Variants in PCDHA8 observed in about 807,000 individuals in gnomAD.
The protein encoded by PCDHA8 is protocadherin alpha 8.
In PCDHA8, 53 loss-of-function variants were observed where a neutral mutation model predicts 61.8. The observed-to-expected ratio is 0.86, with a 90% CI of 0.69 to 1.08. The LOEUF is 1.08. Among genes scored for constraint, PCDHA8 ranks in the 50% least tolerant of loss-of-function variants. The pLI, the probability that PCDHA8 is intolerant of heterozygous loss-of-function variation, is 0.00. For synonymous variants in PCDHA8, 618 were observed against 556.6 expected, an observed-to-expected ratio of 1.11 and a Z score of -1.55; for missense variants, 1,293 against 1,245.0, an observed-to-expected ratio of 1.04 and a Z score of -0.58.
intron 3 of PCDHA8, among the ~76,000 whole-genome samples, chr5:140,996,819 C>T (rs1446677147): frequency 6.6e-6 from 1 of 152,142 alleles, no homozygotes; most frequent in East Asian, 1.9e-4. Context: ...CAAAAGTAAC[C>T]ACTACCAATA....
intron 1 of PCDHA8, among the ~76,000 whole-genome samples, chr5:140,845,801 G>C (rs1219755602): frequency 1.3e-5 from 2 of 149,630 alleles, no homozygotes; most frequent in African/African-American, 4.9e-5. Flanking sequence ...TCTGGCAAGT[G>C]ATAGGTACAT....
chr5:140,962,339 G>A (rs1454430913), intron 1 of PCDHA8, among the ~76,000 whole-genome samples: 1 of 152,152 alleles, frequency 6.6e-6, no homozygotes, highest in Non-Finnish European at 1.5e-5. Flanking sequence ...TGATAAAGAA[G>A]TAAAACTCCC....
At chr5:140,877,947 G>A (rs1266600808) in intron 1 of PCDHA8, 2 of 1,351,230 alleles carry the variant, frequency 1.5e-6, no homozygotes, top group African/African-American at 1.5e-5. Context: ...TTAAACTATC[G>A]AATGTCTCAT....
At chr5:140,876,328 C>A in intron 1 of PCDHA8, 1 of 1,613,940 alleles carries the variant, frequency 6.2e-7, no homozygotes, top group Non-Finnish European at 8.5e-7. Flanking sequence ...AATGATTTTG[C>A]CAGTGAGTGA....
At chr5:140,965,496 ATT>A (rs71766133) in intron 1 of PCDHA8, among the ~76,000 whole-genome samples, 87 of 146,352 alleles carry the variant, frequency 5.9e-4, no homozygotes, top group Middle Eastern at 3.6e-3. Context: ...ATGACAGCAG[ATT>A]TTTTTTTTTT....
At chr5:140,963,303 G>A (rs2153735006) in intron 1 of PCDHA8, among the ~76,000 whole-genome samples, 1 of 152,286 alleles carries the variant, frequency 6.6e-6, no homozygotes, top group South Asian at 2.1e-4. Flanking sequence ...GAGAAAATAA[G>A]AAGCTGTTTG....
At chr5:140,881,321 T>C (rs1396829121) in intron 1 of PCDHA8, 1 of 983,920 alleles carries the variant, frequency 1.0e-6, no homozygotes, top group Non-Finnish European at 1.2e-6. Context: ...TTAAATTCTA[T>C]TTAACCAGGA....
chr5:140,940,841 C>T (rs246072), intron 1 of PCDHA8, among the ~76,000 whole-genome samples: 86,358 of 151,986 alleles, frequency 0.57, 25,200 homozygotes, highest in African/African-American at 0.71. Context: ...CCTTTCTTCA[C>T]GATAGATTTT....
intron 1 of PCDHA8, chr5:140,861,392 G>A (rs2046897620): frequency 2.2e-6 from 1 of 451,822 alleles, no homozygotes; most frequent in Non-Finnish European, 4.5e-6. Context: ...ACCTGGGTCT[G>A]GAGCTTGTGG....
intron 1 of PCDHA8, among the ~76,000 whole-genome samples, chr5:140,973,878 A>T (rs1440672302): frequency 6.6e-6 from 1 of 152,214 alleles, no homozygotes; most frequent in African/African-American, 2.4e-5. Context: ...GGTCAGAATA[A>T]TGTCAATTTG....
intron 1 of PCDHA8, among the ~76,000 whole-genome samples, chr5:140,893,497 G>GA (rs1157700367): frequency 4.1e-4 from 62 of 150,170 alleles, no homozygotes; most frequent in African/African-American, 1.2e-3. Context: ...TCACAAAAAA[G>GA]AAAAAAAAAG....
chr5:140,988,495 G>GT (rs2097300130), intron 3 of PCDHA8, among the ~76,000 whole-genome samples: 1 of 152,158 alleles, frequency 6.6e-6, no homozygotes, highest in Non-Finnish European at 1.5e-5. Context: ...CTACCTAGGA[G>GT]AAGCCATGAA....
rs375705333 is a variant in PCDHA8 at position 140,927,955 on chromosome 5, C to T, written c.2395-50994C>T. On this transcript the variant is annotated intron_variant, in intron 1 of 3. Coordinates refer to ENST00000531613, the MANE Select transcript of PCDHA8 (RefSeq NM_018911.3). ...GAACCCAGTACCTGAGGACGCTGCC[C>T]CTGGCACAGTGATTGCTCTCTTTAG... 34 of 1,614,198 alleles carry T rather than the reference C, an allele frequency of 2.1e-5. 1 individual carries two copies. In the Middle Eastern group the frequency reaches 9.9e-4, roughly 47 times the overall value.
rs2150368391 is a variant in PCDHA8 at position 140,844,038 on chromosome 5, G to A, written c.2394+323G>A. On this transcript the variant is annotated intron_variant, in intron 1 of 3. Transcript: ENST00000531613. ...CGTTCAGGGCATTTTGATCTTTGGT[G>A]AAAGTATTCCCCCAAAGCGTTTATT... 1.1e-4 allele frequency among the ~76,000 whole-genome samples: 17 copies of A among 149,594 alleles called. 2 individuals are homozygous for A. Among genetic ancestry groups the A allele is most frequent in the South Asian group, 2.1e-4 (1 of 4,726 alleles).
At chr5:140,928,711 A>C in intron 1 of PCDHA8, 1 of 1,614,098 alleles carries the variant, frequency 6.2e-7, no homozygotes, top group South Asian at 1.1e-5. Flanking sequence ...GTCTGACTCT[A>C]GTCTCTTTAG....
At chr5:140,884,385 C>A (rs1554181508) in intron 1 of PCDHA8, 1 of 1,613,992 alleles carries the variant, frequency 6.2e-7, no homozygotes, top group Non-Finnish European at 8.5e-7. Context: ...GCCATCTGCG[C>A]GGTGTCCAGC....
At chr5:140,853,797 T>G (rs2042870109) in intron 1 of PCDHA8, 4 of 987,438 alleles carry the variant, frequency 4.1e-6, no homozygotes, top group Non-Finnish European at 4.9e-6. Context: ...AATTTTCATT[T>G]TAAAGCACAC....
At chr5:140,985,938 A>G (rs960910585) in intron 3 of PCDHA8, among the ~76,000 whole-genome samples, 8 of 151,748 alleles carry the variant, frequency 5.3e-5, no homozygotes, top group Non-Finnish European at 8.8e-5. Context: ...CCGGGGTTTC[A>G]CTGTGTTAGC....
intron 1 of PCDHA8, among the ~76,000 whole-genome samples, chr5:140,914,897 TTG>T (rs1415652208): frequency 6.6e-6 from 1 of 151,972 alleles, no homozygotes; most frequent in East Asian, 1.9e-4. Context: ...GCTTTTAACT[TTG>T]TGTTGTTTCT....
Sources: gnomAD v4.1 joint callset for allele counts (sites outside exome capture counted in the v4.1 genomes callset) on GRCh38, gnomAD v4.1.1 for gene constraint, MANE v1.5 for transcripts, NCBI Gene and HGNC (gene_info 2026-07-23, HGNC 2026-07-21) for gene names.